The following ERN2 variants were observed in gnomAD, a reference collection of about 807,000 sequenced individuals.
ERN2 encodes the protein serine/threonine-protein kinase/endoribonuclease IRE2.
Under a neutral mutation model 107.9 loss-of-function variants are expected in ERN2, and 111 were observed. That is an observed-to-expected ratio of 1.03 (90% confidence interval 0.88 to 1.20). ERN2 has a LOEUF of 1.20. Among genes scored for constraint, ERN2 ranks in the 50% most tolerant of loss-of-function variants. The probability of loss-of-function intolerance (pLI) is 0.00; values close to 1 mark genes in which losing one functional copy is unlikely to be tolerated. For synonymous variants in ERN2, 524 were observed against 501.7 expected (o/e 1.04, Z -0.59); for missense variants, 1,225 against 1,197.9 (o/e 1.02, Z -0.33).
rs755831601 is a variant in ERN2 at position 23,707,125 on chromosome 16, C to T, written c.307-46G>A. On this transcript the variant is annotated intron_variant, in intron 4 of 21. Coordinates refer to ENST00000256797, the MANE Select transcript of ERN2 (RefSeq NM_033266.4). ...AGGAAGGAGTAAGAGCAGCAACACA[C>T]AGTGCTCACTGTGCCAGGTGAGCCC... The T allele has an allele frequency of 2.9e-5, 39 of 1,350,750 alleles. No homozygotes were observed. The East Asian group carries it at 8.0e-4, about 28-fold the overall frequency. The allele number at this position is 1,350,750 out of a possible 1,614,324, so 83.7% of individuals were successfully genotyped here.
intron 1 of ERN2, chr16:23,712,347 A>C: frequency 5.7e-6 from 1 of 175,566 alleles, no homozygotes; most frequent in Non-Finnish European, 1.2e-5. Flanking sequence ...CAAAAAAACC[A>C]AGATTTCAAA....
chr16:23,703,930 G>A (rs1258744605), intron 8 of ERN2, among the ~76,000 whole-genome samples: 1 of 151,994 alleles, frequency 6.6e-6, no homozygotes, highest in Non-Finnish European at 1.5e-5. Context: ...TATCATATCA[G>A]GTTGCAATAG....
chr16:23,696,031 C>T, intron 13 of ERN2, 53 bp from the exon 14 acceptor site: 1 of 1,375,278 alleles, frequency 7.3e-7, no homozygotes. Flanking sequence ...CTTTGCCGGC[C>T]ACTGGCCCAG....
chr16:23,698,641 A>C (rs1419832607), intron 13 of ERN2, among the ~76,000 whole-genome samples: 1 of 152,076 alleles, frequency 6.6e-6, no homozygotes, highest in Non-Finnish European at 1.5e-5. Context: ...GCTGGAGTGC[A>C]GTGGCGCAAT....
intron 14 of ERN2, among the ~76,000 whole-genome samples, chr16:23,695,605 C>T (rs1959782496): frequency 6.6e-6 from 1 of 151,256 alleles, no homozygotes; most frequent in South Asian, 2.1e-4. Context: ...TGATACACAC[C>T]TGTAATCCCA....
rs1457269808 is a variant in ERN2, at chr16:23,702,532, A to C, written c.939T>G (p.Arg313=). ...CATCTGCGGGGGCCAGGGTCAGTCC[A>C]CGAGGCTATGGCAGAAGATGGAGAG... ...LVHTGVALVP[R]GLTLAPADGP... The change falls in exon 10 of 22, where the codon CGT becomes CGG. Residue 313 remains arginine, a synonymous_variant. Coordinates refer to ENST00000256797, the MANE Select transcript of ERN2 (RefSeq NM_033266.4). 2.5e-6 allele frequency: 4 copies of C among 1,614,038 alleles called. No homozygotes were observed. Among genetic ancestry groups the C allele is most frequent in the Non-Finnish European group, 3.4e-6 (4 of 1,179,974 alleles).
intron 13 of ERN2, among the ~76,000 whole-genome samples, chr16:23,699,251 C>A (rs1959950688): frequency 6.6e-6 from 1 of 152,170 alleles, no homozygotes; most frequent in African/African-American, 2.4e-5. Flanking sequence ...GCGAACAGCA[C>A]TGGAGTATCA....
chr16:23,707,699 TGA>T (rs1490566935), intron 4 of ERN2, among the ~76,000 whole-genome samples: 3 of 151,814 alleles, frequency 2.0e-5, no homozygotes, highest in Admixed American at 2.0e-4. Flanking sequence ...GGCAATAGAG[TGA>T]GACTCTGTCT....
chr16:23,695,131 A>T lies in ERN2; in HGVS notation c.1801-13T>A. 6.2e-7 allele frequency: 1 copy of T among 1,613,964 alleles called. No individual in the cohort carries two copies. The highest frequency in any genetic ancestry group is 1.1e-5 in the South Asian group (1 of 91,074). ...GGTTTTCTACGTACTGAGCAGCAGCAAGGGCCAAAGCATCACTCTCCAGCC... is the reference window on the plus strand; with the variant it reads ...GGTTTTCTACGTACTGAGCAGCAGCTAGGGCCAAAGCATCACTCTCCAGCC... On this transcript the variant is annotated splice_polypyrimidine_tract_variant and intron_variant, in intron 15 of 21. Transcript: ENST00000256797.
At position 23,691,391 on chromosome 16, in the gene ERN2, T is replaced by A; in HGVS notation, c.2411A>T (p.Gln804Leu). Residue 804 changes from glutamine (Q) to leucine (L), a missense_variant, in exon 20 of 22, where the codon CAG becomes CTG. Physicochemically the swap from Gln to Leu is moderately radical, Grantham distance 113 (BLOSUM62 -2). Transcript: ENST00000256797. ...VSDWLEKESE[Q>L]EPLVRALEAG... ...CTCCAGTGCCCTCACCAGGGGCTCC[T>A]GCTCGGACTCCTTCTCCAGCCAGTC... 2 of 1,600,714 alleles carry A rather than the reference T, an allele frequency of 1.2e-6. No individual in the cohort carries two copies. Among genetic ancestry groups the A allele is most frequent in the Non-Finnish European group, 1.7e-6 (2 of 1,179,802 alleles).
chr16:23,710,679 A>C (rs1446743571), intron 2 of ERN2, 130 bp from the exon 3 acceptor site: 3 of 1,106,644 alleles, frequency 2.7e-6, no homozygotes, highest in Non-Finnish European at 2.8e-6. Context: ...CCATCTTCCC[A>C]AAAACTCTGT....
intron 17 of ERN2, among the ~76,000 whole-genome samples, chr16:23,693,601 A>AAAAATAT (rs1555466492): frequency 1.4e-5 from 2 of 147,734 alleles, no homozygotes; most frequent in African/African-American, 5.0e-5. Context: ...AAAAAAAAAA[A>AAAAATAT]ATATATATAT....
chr16:23,703,210 A>G (rs535487788), intron 8 of ERN2, among the ~76,000 whole-genome samples: 7 of 152,322 alleles, frequency 4.6e-5, no homozygotes, highest in African/African-American at 1.2e-4. Context: ...TTTCAAATCT[A>G]TGTCTAACCC....
At chr16:23,708,860 T>C (rs567894485) in intron 4 of ERN2, among the ~76,000 whole-genome samples, 11 of 152,318 alleles carry the variant, frequency 7.2e-5, no homozygotes, top group African/African-American at 2.6e-4. Context: ...TGTAGAACCA[T>C]GAGTCAATGA....
intron 12 of ERN2, 83 bp from the exon 13 acceptor site, chr16:23,700,787 T>A: frequency 6.6e-7 from 1 of 1,508,462 alleles, no homozygotes; most frequent in Non-Finnish European, 8.9e-7. Context: ...TGAGATGGCC[T>A]CACCAGACTG....
At chr16:23,709,933 T>G in intron 4 of ERN2, 1 of 490,178 alleles carries the variant, frequency 2.0e-6, no homozygotes, top group Non-Finnish European at 3.7e-6. Context: ...CTCAGAGTCC[T>G]GGAGAAGGCC....
At chr16:23,699,762 G>A (rs919429360) in intron 13 of ERN2, among the ~76,000 whole-genome samples, 8 of 152,060 alleles carry the variant, frequency 5.3e-5, no homozygotes, top group Admixed American at 2.6e-4. Flanking sequence ...ATTGAGAAAA[G>A]ATAAGTGTTT....
chr16:23,704,878 C>G lies in ERN2; in HGVS notation c.854+5G>C. 1 of 1,606,538 alleles carries G rather than the reference C, an allele frequency of 6.2e-7. No individual in the cohort carries two copies. Among genetic ancestry groups the G allele is most frequent in the Non-Finnish European group, 8.5e-7 (1 of 1,179,568 alleles). On this transcript the variant is annotated splice_donor_5th_base_variant and intron_variant, in intron 8 of 21. Coordinates refer to ENST00000256797, the MANE Select transcript of ERN2 (RefSeq NM_033266.4). ...CCTCCCTGGGCCCCAGGCACGAACA[C>G]CTACAGCAGCTGGGTGTCCAAGGTA... is the stretch of plus-strand genomic sequence containing the variant.
chr16:23,697,039 TG>T (rs1211136154), intron 13 of ERN2: 2 of 152,012 alleles, frequency 1.3e-5, no homozygotes, highest in East Asian at 3.9e-4. Context: ...GGCATGGTGT[TG>T]TGTGCCTGTC....
Sources: allele counts gnomAD v4.1 joint callset (sites outside exome capture counted in the v4.1 genomes callset), GRCh38; gene constraint gnomAD v4.1.1; transcripts MANE v1.5; gene names NCBI Gene and HGNC (gene_info 2026-07-23, HGNC 2026-07-21).